CD109: variants seen among roughly 807,000 people sequenced by gnomAD.
The protein encoded by CD109 is CD109 molecule.
CD109 carries 149 observed loss-of-function variants against 165.8 expected under a neutral mutation model. The observed-to-expected ratio is 0.90, with a 90% CI of 0.79 to 1.03. The LOEUF is 1.03. Among genes scored for constraint, CD109 ranks in the 50% least tolerant of loss-of-function variants. The pLI is 0.00. For missense variants in CD109, 1,712 were observed against 1,677.8 expected (o/e 1.02, Z -0.36); for synonymous variants, 585 against 592.1 (o/e 0.99, Z 0.18).
chr6:73,746,184 C>T (rs989030772), intron 5 of CD109, among the ~76,000 whole-genome samples: 4 of 152,088 alleles, frequency 2.6e-5, no homozygotes, highest in African/African-American at 9.7e-5. Context: ...AAGAATTTGA[C>T]GTTTGTGTGG....
At chr6:73,821,241 G>A (rs1776097937) in intron 32 of CD109, among the ~76,000 whole-genome samples, 1 of 152,064 alleles carries the variant, frequency 6.6e-6, no homozygotes, top group African/African-American at 2.4e-5. Context: ...ACACCAACAT[G>A]GCACATGTAT....
intron 23 of CD109, among the ~76,000 whole-genome samples, chr6:73,793,971 G>A (rs1411261751): frequency 1.3e-5 from 2 of 152,020 alleles, no homozygotes; most frequent in Non-Finnish European, 2.9e-5. Flanking sequence ...TGAAAAGTAG[G>A]GGCAAGCTAT....
intron 29 of CD109, among the ~76,000 whole-genome samples, chr6:73,814,186 G>A (rs1381796571): frequency 6.6e-6 from 1 of 152,108 alleles, no homozygotes; most frequent in Admixed American, 6.6e-5. Flanking sequence ...GTGCACGTGT[G>A]CATATGTGTA....
chr6:73,821,950 C>T (rs763525377), intron 32 of CD109, among the ~76,000 whole-genome samples: 33 of 152,182 alleles, frequency 2.2e-4, no homozygotes, highest in African/African-American at 7.2e-4. Context: ...GCAGTAGCAT[C>T]GGCTGGAGTT....
At chr6:73,788,428 G>T in intron 21 of CD109, 40 bp from the exon 22 acceptor site, 2 of 1,579,528 alleles carry the variant, frequency 1.3e-6, no homozygotes, top group South Asian at 2.3e-5. Flanking sequence ...GTAAACATGT[G>T]AGTAGAGACC....
intron 24 of CD109, among the ~76,000 whole-genome samples, chr6:73,804,773 C>A (rs1383766650): frequency 6.6e-6 from 1 of 152,234 alleles, no homozygotes; most frequent in Non-Finnish European, 1.5e-5. Context: ...TGTTGGAGCT[C>A]TTCTTTGGTA....
At chr6:73,777,759 T>A (rs925878756) in intron 15 of CD109, among the ~76,000 whole-genome samples, 3 of 152,208 alleles carry the variant, frequency 2.0e-5, no homozygotes, top group African/African-American at 4.8e-5. Flanking sequence ...TCTATTCTGT[T>A]CCATTGGTCT....
chr6:73,792,066 G>A (rs1044507368), intron 22 of CD109, among the ~76,000 whole-genome samples: 66 of 152,092 alleles, frequency 4.3e-4, no homozygotes, highest in African/African-American at 1.5e-3. Context: ...CATGTGTTTT[G>A]TTTAATTTTA....
In CD109 at chr6:73,730,389, G is replaced by A. The variant is rs201515057; in HGVS notation, c.322G>A (p.Gly108Arg). 6.1e-5 allele frequency: 99 copies of A among 1,613,890 alleles called. No individual in the cohort carries two copies. The highest frequency in any genetic ancestry group is 4.2e-4 in the Admixed American group (25 of 60,002). Reference protein sequence around the residue: ...ADEIYELRVTGRTQDEILFSN... With the variant: ...ADEIYELRVTRRTQDEILFSN... ...TGAGATTTATGAGCTACGTGTAACC[G>A]GACGTACCCAGGATGAGATTTTATT... The change falls in exon 4 of 33, where the codon GGA becomes AGA. Residue 108 changes from glycine (G) to arginine (R), a missense_variant. Coordinates refer to ENST00000287097, the MANE Select transcript of CD109 (RefSeq NM_133493.5).
rs1775441170 is a variant in CD109 at position 73,803,297 on chromosome 6, A to G, written c.2956A>G (p.Thr986Ala). ...AFGNYDPSGS[T>A]WLSAFVLRCF... The stretch of plus-strand genomic sequence containing the variant: ...TGGGAATTATGACCCTTCTGGGAGC[A>G]CTTGGTAAGTGTTTTTGCCAACTGA... The change falls in exon 24 of 33, where the codon ACT becomes GCT. Residue 986 changes from threonine (T) to alanine (A), a missense_variant. Physicochemically the swap from Thr to Ala is moderately conservative, Grantham distance 58 (BLOSUM62 0). Transcript: ENST00000287097. 1.2e-6 allele frequency: 2 copies of G among 1,610,960 alleles called. No homozygotes were observed. Among genetic ancestry groups the G allele is most frequent in the Non-Finnish European group, 8.5e-7 (1 of 1,178,906 alleles).
In CD109 at chr6:73,781,291, C is replaced by A. The variant is rs140808890; in HGVS notation, c.1935C>A (p.Asn645Lys). Residue 645 changes from asparagine to lysine, a missense_variant, in exon 17 of 33, where the codon AAC (asparagine) becomes AAA (lysine). Asn to Lys is a moderately conservative substitution (Grantham distance 94, BLOSUM62 0). Coordinates refer to ENST00000287097, the MANE Select transcript of CD109 (RefSeq NM_133493.5). ...ECGLWVLTDANLTKDYIDGVY... is the reference protein window; with the variant it reads ...ECGLWVLTDAKLTKDYIDGVY... ...GACTCTGGGTATTGACAGATGCAAA[C>A]CTCACGAAGGATTATATTGATGGTG... is the stretch of plus-strand genomic sequence containing the variant. 3 of 1,613,226 alleles carry A rather than the reference C, an allele frequency of 1.9e-6. No individual in the cohort carries two copies. The highest frequency in any genetic ancestry group is 2.5e-6 in the Non-Finnish European group (3 of 1,179,404).
At chr6:73,781,748 TACACACACAC>T (rs71845700) in intron 17 of CD109, among the ~76,000 whole-genome samples, 3 of 145,612 alleles carry the variant, frequency 2.1e-5, no homozygotes, top group Non-Finnish European at 4.5e-5. Context: ...AGTATTCTGG[TACACACACAC>T]ACACACACAC....
At chr6:73,705,244 A>G (rs2150149825) in intron 2 of CD109, among the ~76,000 whole-genome samples, 1 of 152,290 alleles carries the variant, frequency 6.6e-6, no homozygotes, top group East Asian at 1.9e-4. Context: ...GAGGCAGACA[A>G]TATTTTGAAG....
intron 3 of CD109, among the ~76,000 whole-genome samples, chr6:73,724,010 T>C (rs6927615): frequency 0.68 from 103,324 of 152,096 alleles, 36,132 homozygotes; most frequent in Non-Finnish European, 0.78. Flanking sequence ...AGCAGTGCCA[T>C]GCTGAGACAT....
At chr6:73,770,037 A>T (rs941615489) in intron 14 of CD109, among the ~76,000 whole-genome samples, 1 of 152,212 alleles carries the variant, frequency 6.6e-6, no homozygotes, top group Non-Finnish European at 1.5e-5. Context: ...GTGCTGGAGG[A>T]CATTGTTGGG....
At chr6:73,792,366 T>A (rs148516306) in intron 22 of CD109, among the ~76,000 whole-genome samples, 2 of 152,230 alleles carry the variant, frequency 1.3e-5, no homozygotes, top group African/African-American at 4.8e-5. Context: ...ATTTTTTGCC[T>A]AATTTATGCC....
At chr6:73,690,354 A>G in the CD109 span, among the ~76,000 whole-genome samples, 1 of 152,184 alleles carries the variant, frequency 6.6e-6, no homozygotes, top group Non-Finnish European at 1.5e-5. Context: ...ATTTCTGAAA[A>G]TGTTTTTATT....
Position 73,811,141 on chromosome 6 carries a change from A to C in CD109, c.3696A>C (p.Thr1232=), listed in dbSNP as rs1225213225. 6.2e-7 allele frequency: 1 copy of C among 1,612,306 alleles called. No individual in the cohort carries two copies. Among genetic ancestry groups the C allele is most frequent in the Non-Finnish European group, 8.5e-7 (1 of 1,179,240 alleles). The change falls in exon 28 of 33, where the codon ACA becomes ACC. Residue 1232 remains threonine (T), a synonymous_variant. Coordinates refer to ENST00000287097, the MANE Select transcript of CD109 (RefSeq NM_133493.5). ...CACACAACCGCTTACTCCTTCAGACAGCAGAGGTGTGGGCAAGGGGCAGTT... is the reference window on the plus strand; with the variant it reads ...CACACAACCGCTTACTCCTTCAGACCGCAGAGGTGTGGGCAAGGGGCAGTT... ...IDTHNRLLLQ[T]AELAVVQPTA...
intron 15 of CD109, 24 bp from the exon 16 acceptor site, chr6:73,780,400 C>A: frequency 7.4e-7 from 1 of 1,358,058 alleles, no homozygotes; most frequent in African/African-American, 1.4e-5. Context: ...TCCATTCATT[C>A]CGTATATTTT....
Sources: allele counts gnomAD v4.1 joint callset (sites outside exome capture counted in the v4.1 genomes callset), GRCh38; gene constraint gnomAD v4.1.1; transcripts MANE v1.5; gene names NCBI Gene and HGNC (gene_info 2026-07-23, HGNC 2026-07-21).